NFYC: variants seen among roughly 807,000 people sequenced by gnomAD.
NFYC encodes nuclear transcription factor Y subunit gamma.
A neutral mutation model predicts 53.1 loss-of-function variants in NFYC; 25 were observed. That is an observed-to-expected ratio of 0.47 (90% CI 0.34 to 0.66). The LOEUF (loss-of-function observed/expected upper bound fraction) is 0.66, where lower values mean the gene tolerates loss of function less well. Among genes scored for constraint, NFYC ranks in the 30% least tolerant of loss-of-function variants. The pLI is 0.01. For synonymous variants in NFYC, 145 were observed against 152.6 expected (o/e 0.95, Z 0.37); for missense variants, 260 against 422.7 (o/e 0.62, Z 3.38).
At chr1:40,755,976 C>T (rs1459799152) in intron 5 of NFYC, among the ~76,000 whole-genome samples, 1 of 152,262 alleles carries the variant, frequency 6.6e-6, no homozygotes, top group East Asian at 1.9e-4. Flanking sequence ...TCACAGGTCA[C>T]GGCTAGAAAA....
intron 1 of NFYC, among the ~76,000 whole-genome samples, chr1:40,716,826 G>A (rs1644153541): frequency 6.6e-6 from 1 of 152,134 alleles, no homozygotes. Flanking sequence ...GATGGACACT[G>A]TTGGACACTG....
At chr1:40,750,161 T>G (rs878979786) in intron 4 of NFYC, among the ~76,000 whole-genome samples, 1 of 152,000 alleles carries the variant, frequency 6.6e-6, no homozygotes, top group Admixed American at 6.6e-5. Context: ...CTTTTTTTTT[T>G]AATTTTAATT....
At chr1:40,758,626 GCTGT>G (rs1646363364) in intron 6 of NFYC, among the ~76,000 whole-genome samples, 2 of 152,288 alleles carry the variant, frequency 1.3e-5, no homozygotes, top group South Asian at 4.1e-4. Context: ...CTCCATGCCT[GCTGT>G]CTGTGTGTCT....
intron 7 of NFYC, among the ~76,000 whole-genome samples, chr1:40,763,982 T>A (rs1412941446): frequency 2.0e-5 from 3 of 152,196 alleles, no homozygotes; most frequent in Admixed American, 1.3e-4. Flanking sequence ...TGCAGCAAAG[T>A]GTATTTTTGG....
chr1:40,762,598 G>A (rs2148770659), intron 6 of NFYC, among the ~76,000 whole-genome samples: 1 of 152,326 alleles, frequency 6.6e-6, no homozygotes, highest in East Asian at 1.9e-4. Flanking sequence ...TATCACTAAA[G>A]GGGCTGTGAA....
chr1:40,727,640 C>T (rs1156496788), intron 1 of NFYC, among the ~76,000 whole-genome samples: 2 of 151,210 alleles, frequency 1.3e-5, no homozygotes, highest in African/African-American at 2.4e-5. Flanking sequence ...AAGTGATTCT[C>T]CTGCCTCAGC....
intron 8 of NFYC, chr1:40,766,996 G>C: frequency 1.3e-6 from 2 of 1,551,106 alleles, no homozygotes; most frequent in Admixed American, 3.9e-5. Context: ...CATCAGACCT[G>C]GGAAATGTTC....
chr1:40,745,261 A>G (rs988094233), intron 2 of NFYC, among the ~76,000 whole-genome samples: 6 of 152,194 alleles, frequency 3.9e-5, no homozygotes, highest in Admixed American at 1.3e-4. Context: ...ACGTTCTTGT[A>G]CAAATTATAT....
At chr1:40,715,076 TGTCTC>T in intron 1 of NFYC, among the ~76,000 whole-genome samples, 1 of 99,666 alleles carries the variant, frequency 1.0e-5, no homozygotes, top group Non-Finnish European at 2.0e-5. Context: ...CGAGACTCCA[TGTCTC>T]AAAACAATAA....
intron 6 of NFYC, 112 bp from the exon 7 acceptor site, chr1:40,762,776 G>C: frequency 1.0e-6 from 1 of 974,160 alleles, no homozygotes; most frequent in South Asian, 2.5e-5. Flanking sequence ...GATGACCTTA[G>C]GCATTCATGG....
intron 3 of NFYC, among the ~76,000 whole-genome samples, chr1:40,749,290 C>T (rs1375751939): frequency 1.3e-5 from 2 of 152,132 alleles, no homozygotes; most frequent in African/African-American, 4.8e-5. Flanking sequence ...GTGGGCAAGT[C>T]ACTTCATCTC....
intron 1 of NFYC, among the ~76,000 whole-genome samples, chr1:40,726,530 C>T (rs919287458): frequency 6.6e-6 from 1 of 151,996 alleles, no homozygotes; most frequent in Admixed American, 6.5e-5. Flanking sequence ...CTACTTCAGC[C>T]TCCCAAGTAG....
intron 1 of NFYC, among the ~76,000 whole-genome samples, chr1:40,696,043 G>A (rs1244043240): frequency 8.8e-6 from 1 of 113,496 alleles, no homozygotes; most frequent in Non-Finnish European, 1.8e-5. Flanking sequence ...TTTTTTTTGA[G>A]ATAGAGTCTC....
chr1:40,771,040 C>T lies in NFYC; in HGVS notation c.*212C>T. 3.4e-6 allele frequency: 2 copies of T among 592,420 alleles called. No individual in the cohort carries two copies. Among genetic ancestry groups the T allele is most frequent in the Admixed American group, 6.0e-5 (2 of 33,518 alleles). 36.7% of individuals were successfully genotyped at this position (592,420 alleles called of 1,614,324 possible). A position where few individuals can be genotyped will look rare whatever the true frequency, so the allele number is the denominator to read the frequency against. On this transcript the variant is annotated 3_prime_UTR_variant, in exon 10 of 10. Transcript: ENST00000447388. Reference sequence around the variant, plus strand: ...GTTTCCTTTTTTTCCATTTTTTTCTCTAAGGAATCAATATTTCAATATGTT... The same window carrying T: ...GTTTCCTTTTTTTCCATTTTTTTCTTTAAGGAATCAATATTTCAATATGTT...
At chr1:40,751,465 G>A (rs1355987791) in intron 4 of NFYC, among the ~76,000 whole-genome samples, 1 of 152,108 alleles carries the variant, frequency 6.6e-6, no homozygotes, top group African/African-American at 2.4e-5. Flanking sequence ...GAGTGCAGTG[G>A]CGCAATCACA....
At chr1:40,742,754 A>G (rs1296241435) in intron 2 of NFYC, among the ~76,000 whole-genome samples, 1 of 152,198 alleles carries the variant, frequency 6.6e-6, no homozygotes. Flanking sequence ...CATCAATTCC[A>G]TATTTGAGTA....
At chr1:40,730,505 A>G in intron 1 of NFYC, 3 of 956,684 alleles carry the variant, frequency 3.1e-6, no homozygotes, top group Non-Finnish European at 3.7e-6. Flanking sequence ...GAAGCACAAT[A>G]AAGTGAAATG....
chr1:40,717,529 A>G (rs1353064396), intron 1 of NFYC, among the ~76,000 whole-genome samples: 1 of 152,222 alleles, frequency 6.6e-6, no homozygotes, highest in African/African-American at 2.4e-5. Flanking sequence ...AAGTTCAACT[A>G]AATGAGGGCA....
At position 40,770,242 on chromosome 1, in the gene NFYC, T is replaced by A. The variant is rs994624031; in HGVS notation, c.889-467T>A. On this transcript the variant is annotated intron_variant, in intron 9 of 9. Coordinates refer to ENST00000447388, the MANE Select transcript of NFYC (RefSeq NM_014223.5). This position sits in a 1 kb window ranked among gnomAD's most constrained non-coding sequence, Gnocchi z 5.3. ...CAGGGTCCATGGAGAAAATTCAAAT[T>A]CAGTTTAGTTTCAACCTGAGCCAGA... The A allele has an allele frequency of 6.6e-6, 5 of 761,450 alleles. No homozygotes were observed. Among genetic ancestry groups the A allele is most frequent in the Non-Finnish European group, 1.0e-5 (5 of 483,904 alleles). The allele number at this position is 761,450 out of a possible 1,614,324, so 47.2% of individuals were successfully genotyped here.
Sources: allele counts gnomAD v4.1 joint callset (sites outside exome capture counted in the v4.1 genomes callset), GRCh38; gene constraint gnomAD v4.1.1; non-coding constraint Gnocchi (gnomAD v3.1); transcripts MANE v1.5; gene names NCBI Gene and HGNC (gene_info 2026-07-23, HGNC 2026-07-21).